NRDE2: variants seen among roughly 807,000 people sequenced by gnomAD.
The protein encoded by NRDE2 is nuclear exosome regulator NRDE2.
NRDE2 carries 76 observed loss-of-function variants against 124.2 expected under a neutral mutation model. That is an observed-to-expected ratio of 0.61 (90% CI 0.51 to 0.74). NRDE2 has a LOEUF of 0.74. Among genes scored for constraint, NRDE2 ranks in the 30% least tolerant of loss-of-function variants. The pLI, the probability that NRDE2 is intolerant of heterozygous loss-of-function variation, is 0.00. For missense variants in NRDE2, 1,314 were observed against 1,417.3 expected (o/e 0.93, Z 1.17); for synonymous variants, 489 against 528.1 (o/e 0.93, Z 1.01).
At position 90,331,778 on chromosome 14, in the gene NRDE2, T is replaced by C. The variant is rs1261509776; in HGVS notation, c.64+63A>G. 1.9e-5 allele frequency: 29 copies of C among 1,538,186 alleles called. No homozygotes were observed. The East Asian group carries it at 5.8e-4, about 31-fold the overall frequency. On this transcript the variant is annotated intron_variant, in intron 1 of 13. Transcript: ENST00000354366. ...CAAATCCAAAGCAAAAGTCTAGACC[T>C]GGGCCCGAGAAACAGCCTCTTAAGC...
chr14:90,302,597 A>C lies in NRDE2; in HGVS notation c.1411+123T>G, dbSNP rs529562417. 6.2e-6 allele frequency: 7 copies of C among 1,124,572 alleles called. No individual in the cohort carries two copies. In the African/African-American group the frequency reaches 1.1e-4, roughly 18 times the overall value. 69.7% of individuals were successfully genotyped at this position (1,124,572 alleles called of 1,614,324 possible). A position where few individuals can be genotyped will look rare whatever the true frequency, so the allele number is the denominator to read the frequency against. ...AAGAGTCGTAATACTTTTTTAAAAAAATCAGTTCTATCAAACAATTTAGAC... is the reference window on the plus strand; with the variant it reads ...AAGAGTCGTAATACTTTTTTAAAAACATCAGTTCTATCAAACAATTTAGAC... On this transcript the variant is annotated intron_variant, in intron 6 of 13. Transcript: ENST00000354366.
rs5810495 is a variant in NRDE2, at chr14:90,330,206, C to CAAAAAAAA, written c.64+1627_64+1634dup. Among the ~76,000 whole-genome samples the CAAAAAAAA allele has an allele frequency of 1.6e-3, 207 of 132,178 alleles. 1 individual carries two copies. Among genetic ancestry groups the CAAAAAAAA allele is most frequent in the Middle Eastern group, 7.6e-3 (2 of 264 alleles). The allele number at this position is 132,178 out of a possible 152,430, so 86.7% of individuals were successfully genotyped here. ...TGGGCGACAGAGCAAGACTTGGTCT[C>CAAAAAAAA]AAAAAAAAAAATAAATAAATAAATA... is the stretch of plus-strand genomic sequence containing the variant. On this transcript the variant is annotated intron_variant, in intron 1 of 13. Transcript: ENST00000354366.
chr14:90,330,213 A>AAATAAAAT (rs1885623316), intron 1 of NRDE2, among the ~76,000 whole-genome samples: 1 of 133,258 alleles, frequency 7.5e-6, no homozygotes, highest in African/African-American at 2.6e-5. Context: ...TCTCAAAAAA[A>AAATAAAAT]AAAATAAATA....
At chr14:90,287,033 C>CA (rs60863011) in intron 11 of NRDE2, among the ~76,000 whole-genome samples, 4,719 of 23,820 alleles carry the variant, frequency 0.2, 1,426 homozygotes, top group Middle Eastern at 0.33. Flanking sequence ...GACTCCGTCT[C>CA]AAAAAAAAAA....
At chr14:90,293,594 G>C (rs938349815) in intron 8 of NRDE2, among the ~76,000 whole-genome samples, 5 of 152,224 alleles carry the variant, frequency 3.3e-5, no homozygotes, top group African/African-American at 1.2e-4. Context: ...CATGTGGCTA[G>C]AGGTTACTGT....
chr14:90,274,934 A>G lies in NRDE2; in HGVS notation c.*3402T>C, dbSNP rs935597617. On this transcript the variant is annotated 3_prime_UTR_variant, in exon 14 of 14. Coordinates refer to ENST00000354366, the MANE Select transcript of NRDE2 (RefSeq NM_017970.4). ...CAAAACACTGTTCAGTTAGAAAGGG[A>G]AAGTCACACTGGAGATGCCCAGCAG... 1 of 152,216 alleles carries G rather than the reference A, an allele frequency of 6.6e-6. No homozygotes were observed. Among genetic ancestry groups the G allele is most frequent in the Non-Finnish European group, 1.5e-5 (1 of 68,058 alleles). The allele number at this position is 152,216 out of a possible 1,614,324, so 9.4% of individuals were successfully genotyped here.
In NRDE2 at chr14:90,304,448, C is replaced by T. The variant is rs1181764121; in HGVS notation, c.558-66G>A. 24 of 1,186,214 alleles carry T rather than the reference C, an allele frequency of 2.0e-5. 1 individual carries two copies. The highest frequency in any genetic ancestry group is 2.4e-5 in the East Asian group (1 of 42,216). The allele number at this position is 1,186,214 out of a possible 1,614,324, so 73.5% of individuals were successfully genotyped here. On this transcript the variant is annotated intron_variant, in intron 4 of 13. Coordinates refer to ENST00000354366, the MANE Select transcript of NRDE2 (RefSeq NM_017970.4). Reference sequence around the variant, plus strand: ...TGTACTACCTCTGAATGACTAAAGGCGCATTAGACCTAAACTCTCGTTATG... The same window carrying T: ...TGTACTACCTCTGAATGACTAAAGGTGCATTAGACCTAAACTCTCGTTATG...
intron 8 of NRDE2, among the ~76,000 whole-genome samples, chr14:90,296,999 C>T (rs186931608): frequency 2.0e-5 from 3 of 151,898 alleles, no homozygotes; most frequent in African/African-American, 7.2e-5. Flanking sequence ...ATTAGGAGGG[C>T]GTGGTGGTGC....
In NRDE2 at chr14:90,288,862, A is replaced by G. The variant is rs1892190044; in HGVS notation, c.2513T>C (p.Val838Ala). 5.0e-6 allele frequency: 8 copies of G among 1,614,050 alleles called. No homozygotes were observed. Among genetic ancestry groups the G allele is most frequent in the Non-Finnish European group, 6.8e-6 (8 of 1,180,016 alleles). ...AGCTCGAGCTGTGGCAGCCCTTCTC[A>G]CTTCTGGCGACAGCTCCACCTCCAG... ...AELEVELSPE[V>A]RRAATARAVH... The change falls in exon 11 of 14, where the codon GTG becomes GCG. Residue 838 changes from valine (V) to alanine (A), a missense_variant. By Grantham distance (64) the Val-to-Ala change is moderately conservative. Coordinates refer to ENST00000354366, the MANE Select transcript of NRDE2 (RefSeq NM_017970.4).
At chr14:90,279,015 C>T (rs370466218) in intron 13 of NRDE2, 47 bp downstream of exon 13, 28 of 1,358,632 alleles carry the variant, frequency 2.1e-5, no homozygotes, top group South Asian at 1.8e-4. Context: ...GGAGACCTGG[C>T]GGGAAGTTTT....
At chr14:90,285,872 C>T (rs1383551621) in intron 12 of NRDE2, among the ~76,000 whole-genome samples, 3 of 151,526 alleles carry the variant, frequency 2.0e-5, no homozygotes, top group African/African-American at 4.8e-5. Flanking sequence ...TGGGCTCAGA[C>T]GATTTTCCCG....
At chr14:90,286,599 CAG>C in intron 11 of NRDE2, 107 bp from the exon 12 acceptor site, 1 of 1,396,870 alleles carries the variant, frequency 7.2e-7, no homozygotes, top group Non-Finnish European at 9.7e-7. Flanking sequence ...CCAGATCAGA[CAG>C]ACTCAGGGGA....
At position 90,272,203 on chromosome 14, in the gene NRDE2, G is replaced by C; in HGVS notation, c.*6133C>G. 6.4e-7 allele frequency: 1 copy of C among 1,572,512 alleles called. No homozygotes were observed. The highest frequency in any genetic ancestry group is 8.6e-7 in the Non-Finnish European group (1 of 1,161,336). On this transcript the variant is annotated 3_prime_UTR_variant, in exon 14 of 14. Coordinates refer to ENST00000354366, the MANE Select transcript of NRDE2 (RefSeq NM_017970.4). This position sits in a 1 kb window ranked among gnomAD's most constrained non-coding sequence, Gnocchi z 4.5. The stretch of plus-strand genomic sequence containing the variant: ...GCCACCGCGCCTGGCCTCAGAATAG[G>C]TTTTTTGGAATTCCTTGTTAGAATA...
In NRDE2 at chr14:90,277,553, G is replaced by A. The variant is rs1376046189; in HGVS notation, c.*783C>T. On this transcript the variant is annotated 3_prime_UTR_variant, in exon 14 of 14. Transcript: ENST00000354366. Reference sequence around the variant, plus strand: ...AACCAGGCCAGCCTTGGCCTTCATAGTGTAAGCAGCGTTGCTGCACAAGCG... The same window carrying A: ...AACCAGGCCAGCCTTGGCCTTCATAATGTAAGCAGCGTTGCTGCACAAGCG... The A allele has an allele frequency of 6.6e-6, 1 of 152,326 alleles. No homozygotes were observed. Among genetic ancestry groups the A allele is most frequent in the African/African-American group, 2.4e-5 (1 of 41,468 alleles). 9.4% of individuals were successfully genotyped at this position (152,326 alleles called of 1,614,324 possible). A position where few individuals can be genotyped will look rare whatever the true frequency, so the allele number is the denominator to read the frequency against.
At chr14:90,304,438 T>A in intron 4 of NRDE2, 56 bp from the exon 5 acceptor site, 2 of 1,334,396 alleles carry the variant, frequency 1.5e-6, no homozygotes, top group Non-Finnish European at 2.0e-6. Flanking sequence ...TACCTCTGAA[T>A]GACTAAAGGC....
intron 12 of NRDE2, among the ~76,000 whole-genome samples, chr14:90,282,274 C>T (rs572509506): frequency 1.3e-5 from 2 of 151,930 alleles, no homozygotes; most frequent in African/African-American, 4.8e-5. Flanking sequence ...CCCAGGAGTT[C>T]GAGGCTAGCC....
At chr14:90,320,940 TC>T in intron 1 of NRDE2, among the ~76,000 whole-genome samples, 1 of 152,316 alleles carries the variant, frequency 6.6e-6, no homozygotes, top group East Asian at 1.9e-4. Flanking sequence ...ACTCTCTTTT[TC>T]CTTCTGAGGT....
chr14:90,268,555 G>T lies in NRDE2; in HGVS notation c.*9781C>A. 1 of 756,820 alleles carries T rather than the reference G, an allele frequency of 1.3e-6. No homozygotes were observed. 46.9% of individuals were successfully genotyped at this position (756,820 alleles called of 1,614,324 possible). A position where few individuals can be genotyped will look rare whatever the true frequency, so the allele number is the denominator to read the frequency against. ...GCCTTCCATGCATGCTTTAGGCTCT[G>T]CTCTCCCAGGAGCCAGCTAACAACT... On this transcript the variant is annotated 3_prime_UTR_variant, in exon 14 of 14. Transcript: ENST00000354366.
At chr14:90,312,252 C>T (rs955101553) in intron 4 of NRDE2, 142 bp downstream of exon 4, 1 of 693,290 alleles carries the variant, frequency 1.4e-6, no homozygotes, top group African/African-American at 1.8e-5. Context: ...GGAGATGAGA[C>T]ATGTGCCTGA....
Sources: allele counts gnomAD v4.1 joint callset (sites outside exome capture counted in the v4.1 genomes callset), GRCh38; gene constraint gnomAD v4.1.1; non-coding constraint Gnocchi (gnomAD v3.1); transcripts MANE v1.5; gene names NCBI Gene and HGNC (gene_info 2026-07-23, HGNC 2026-07-21).